The following ROBO1 variants were observed in gnomAD, a reference collection of about 807,000 sequenced individuals.
The protein encoded by ROBO1 is roundabout guidance receptor 1, also known as roundabout homolog 1.
ROBO1 carries 149 observed loss-of-function variants against 195.9 expected under a neutral mutation model. The observed-to-expected ratio is 0.76, with a 90% CI of 0.67 to 0.87. ROBO1 has a LOEUF of 0.87. Ranked by LOEUF, ROBO1 falls within the 40% of genes least tolerant of loss-of-function variation. The pLI, the probability that ROBO1 is intolerant of heterozygous loss-of-function variation, is 0.00. For synonymous variants in ROBO1, 816 were observed against 733.2 expected (o/e 1.11, Z -1.82); for missense variants, 1,933 against 2,068.3 (o/e 0.93, Z 1.27).
chr3:78,991,897 A>T (rs955050750), intron 3 of ROBO1, among the ~76,000 whole-genome samples: 5 of 152,158 alleles, frequency 3.3e-5, no homozygotes, highest in African/African-American at 1.2e-4. Flanking sequence ...AAAAAATACT[A>T]GACAATAAAC....
intron 8 of ROBO1, among the ~76,000 whole-genome samples, chr3:78,702,137 T>C (rs2081435138): frequency 2.6e-5 from 4 of 152,190 alleles, no homozygotes; most frequent in Admixed American, 2.6e-4. Flanking sequence ...AATTATCAAG[T>C]GTAACTACTC....
intron 3 of ROBO1, among the ~76,000 whole-genome samples, chr3:78,973,526 A>T (rs975535396): frequency 6.9e-6 from 1 of 145,470 alleles, no homozygotes; most frequent in Admixed American, 7.0e-5. Context: ...ATAAGAAGCT[A>T]TATATAATAT....
chr3:79,689,334 A>G (rs1336713645), intron 1 of ROBO1, among the ~76,000 whole-genome samples: 1 of 152,042 alleles, frequency 6.6e-6, no homozygotes, highest in Non-Finnish European at 1.5e-5. Flanking sequence ...CTTATTGAGA[A>G]ATCTGAGGCT....
In ROBO1 at chr3:78,668,018, C is replaced by T; in HGVS notation, c.1831G>A (p.Ala611Thr). The T allele has an allele frequency of 6.2e-7, 1 of 1,613,596 alleles. No individual in the cohort carries two copies. Among genetic ancestry groups the T allele is most frequent in the Non-Finnish European group, 8.5e-7 (1 of 1,179,712 alleles). The change falls in exon 14 of 31, where the codon GCA becomes ACA. Residue 611 changes from alanine to threonine, a missense_variant. Ala to Thr is a moderately conservative substitution (Grantham distance 58). Coordinates refer to ENST00000464233, the MANE Select transcript of ROBO1 (RefSeq NM_002941.4). ...HASGSSWQTV[A>T]ENVKTETSAI... ...GATGTTTCTGTTTTCACATTCTCTG[C>T]TACGGTCTGCCAGCTGCTACCAGAT...
At chr3:78,929,464 T>C (rs1337608113) in intron 4 of ROBO1, among the ~76,000 whole-genome samples, 1 of 151,372 alleles carries the variant, frequency 6.6e-6, no homozygotes, top group East Asian at 1.9e-4. Context: ...ACAGAAATTA[T>C]TTCTTTTCCA....
At chr3:79,759,641 C>T (rs73128513) in intron 1 of ROBO1, among the ~76,000 whole-genome samples, 26,232 of 152,118 alleles carry the variant, frequency 0.17, 2,297 homozygotes, top group East Asian at 0.25. Flanking sequence ...TACAGTTTGT[C>T]TTAAAAAAAT....
rs560217616 is a variant in ROBO1 at position 78,644,365 on chromosome 3, C to T, written c.2882+1783G>A. 8.9e-4 allele frequency among the ~76,000 whole-genome samples: 135 copies of T among 152,186 alleles called. 1 individual carries two copies. Among genetic ancestry groups the T allele is most frequent in the South Asian group, 3.3e-3 (16 of 4,820 alleles). Reference sequence around the variant, plus strand: ...TTATACACTTTGCTTACTGATGCTTCCCAAGTAAGTAAACTAGCACCTGTC... The same window carrying T: ...TTATACACTTTGCTTACTGATGCTTTCCAAGTAAGTAAACTAGCACCTGTC... On this transcript the variant is annotated intron_variant, in intron 21 of 30. Transcript: ENST00000464233.
At chr3:79,609,832 G>C (rs1248961189) in intron 1 of ROBO1, among the ~76,000 whole-genome samples, 2 of 151,784 alleles carry the variant, frequency 1.3e-5, no homozygotes, top group African/African-American at 4.8e-5. Context: ...CCGGAGGTTT[G>C]CAGGAGTTGA....
At chr3:79,098,229 A>T (rs1389540058) in intron 3 of ROBO1, among the ~76,000 whole-genome samples, 4 of 151,802 alleles carry the variant, frequency 2.6e-5, no homozygotes, top group African/African-American at 7.2e-5. Flanking sequence ...CAATATGTAA[A>T]TTGCTTACTT....
At chr3:79,727,713 T>C (rs972465778) in intron 1 of ROBO1, among the ~76,000 whole-genome samples, 2 of 152,198 alleles carry the variant, frequency 1.3e-5, no homozygotes, top group Non-Finnish European at 2.9e-5. Context: ...AAAAATCATG[T>C]ATTTTAATTC....
intron 2 of ROBO1, among the ~76,000 whole-genome samples, chr3:79,149,069 T>G (rs773113999): frequency 6.6e-6 from 1 of 151,906 alleles, no homozygotes; most frequent in African/African-American, 2.4e-5. Context: ...TGCTGATACA[T>G]TGGTAGCCTC....
chr3:79,159,985 A>T (rs758183164), intron 2 of ROBO1, among the ~76,000 whole-genome samples: 2 of 152,068 alleles, frequency 1.3e-5, no homozygotes, highest in Non-Finnish European at 2.9e-5. Flanking sequence ...CTGAGAAAAA[A>T]TCACACAGAA....
At chr3:79,137,619 T>A (rs953901754) in intron 2 of ROBO1, among the ~76,000 whole-genome samples, 4 of 152,084 alleles carry the variant, frequency 2.6e-5, no homozygotes, top group African/African-American at 9.6e-5. Flanking sequence ...TCTATCATGA[T>A]CCTAGCCATC....
intron 3 of ROBO1, among the ~76,000 whole-genome samples, chr3:78,946,472 TGAGA>T (rs2040450599): frequency 1.3e-5 from 2 of 152,312 alleles, no homozygotes; most frequent in Non-Finnish European, 2.9e-5. Context: ...AAGCAAATGC[TGAGA>T]GATTTTGTCA....
At chr3:79,535,880 AG>A (rs1941840174) in intron 2 of ROBO1, among the ~76,000 whole-genome samples, 2 of 151,876 alleles carry the variant, frequency 1.3e-5, no homozygotes, top group Non-Finnish European at 2.9e-5. Flanking sequence ...TTTCTTCAAG[AG>A]GTTTTTTTTT....
intron 3 of ROBO1, among the ~76,000 whole-genome samples, chr3:79,041,247 CT>C: frequency 6.6e-6 from 1 of 152,188 alleles, no homozygotes; most frequent in East Asian, 1.9e-4. Flanking sequence ...GCTTTCTCCT[CT>C]TTTTTTATTT....
chr3:78,953,682 A>T (rs1389845968), intron 3 of ROBO1, among the ~76,000 whole-genome samples: 2 of 152,010 alleles, frequency 1.3e-5, no homozygotes, highest in East Asian at 3.9e-4. Context: ...CTGAGGGGAA[A>T]GTAATTAAAA....
chr3:78,897,983 T>C (rs1210173878), intron 4 of ROBO1, among the ~76,000 whole-genome samples: 2 of 151,794 alleles, frequency 1.3e-5, no homozygotes, highest in Non-Finnish European at 1.5e-5. Context: ...AGAGTGCTTA[T>C]TTTATTCATT....
At chr3:78,963,391 T>C (rs2041484681) in intron 3 of ROBO1, among the ~76,000 whole-genome samples, 2 of 151,638 alleles carry the variant, frequency 1.3e-5, no homozygotes, top group South Asian at 4.2e-4. Context: ...TAGAAATAAT[T>C]TGAGTGGATC....
Sources: gnomAD v4.1 joint callset for allele counts (sites outside exome capture counted in the v4.1 genomes callset) on GRCh38, gnomAD v4.1.1 for gene constraint, MANE v1.5 for transcripts, NCBI Gene and HGNC (gene_info 2026-07-23, HGNC 2026-07-21) for gene names.